DAB1: variants seen among roughly 807,000 people sequenced by gnomAD.
DAB1 encodes the protein disabled homolog 1.
DAB1 carries 15 observed loss-of-function variants against 64.6 expected under a neutral mutation model. The observed-to-expected ratio is 0.23, with a 90% CI of 0.16 to 0.36. The LOEUF (loss-of-function observed/expected upper bound fraction) is 0.36. DAB1 is among the 10% of genes least tolerant of loss of function. The pLI, the probability that DAB1 is intolerant of heterozygous loss-of-function variation, is 1.00. For synonymous variants in DAB1, 235 were observed against 251.9 expected, an observed-to-expected ratio of 0.93 and a Z score of 0.64; for missense variants, 596 against 706.7, an observed-to-expected ratio of 0.84 and a Z score of 1.78.
intron 3 of DAB1, among the ~76,000 whole-genome samples, chr1:58,366,375 T>C (rs1192619764): frequency 1.3e-5 from 2 of 152,186 alleles, no homozygotes; most frequent in South Asian, 2.1e-4. Context: ...CCACTAGTTA[T>C]ATCACATACG....
At chr1:58,038,099 AT>A (rs1647074984) in intron 5 of DAB1, among the ~76,000 whole-genome samples, 1 of 152,206 alleles carries the variant, frequency 6.6e-6, no homozygotes, top group Non-Finnish European at 1.5e-5. Flanking sequence ...TATCTTTTAT[AT>A]TTTAAAATGA....
chr1:57,741,896 G>C (rs1648012621), intron 6 of DAB1, among the ~76,000 whole-genome samples: 1 of 152,170 alleles, frequency 6.6e-6, no homozygotes, highest in South Asian at 2.1e-4. Flanking sequence ...GTAATAAGAT[G>C]AGGTAAAGGC....
rs537376520 is a variant in DAB1, at chr1:58,365,114, C to T, written n.258-21711G>A. ...TTAGGTTCAATTACTCCAATCAGTACATTAACCTCCTTCTCTTCTTGGTTC... is the reference window on the plus strand; with the variant it reads ...TTAGGTTCAATTACTCCAATCAGTATATTAACCTCCTTCTCTTCTTGGTTC... On this transcript the variant is annotated intron_variant and non_coding_transcript_variant, in intron 3 of 20. Transcript: ENST00000485760. 2.6e-5 allele frequency among the ~76,000 whole-genome samples: 4 copies of T among 152,318 alleles called. No individual in the cohort carries two copies. The East Asian group carries it at 7.7e-4, about 29-fold the overall frequency.
At chr1:57,394,130 A>G (rs1188550071) in intron 1 of DAB1, among the ~76,000 whole-genome samples, 2 of 152,218 alleles carry the variant, frequency 1.3e-5, no homozygotes, top group African/African-American at 4.8e-5. Context: ...AACAAAGTTG[A>G]GGCCATTCAC....
intron 9 of DAB1, among the ~76,000 whole-genome samples, chr1:57,031,721 C>G (rs551401162): frequency 4.9e-4 from 75 of 152,346 alleles, no homozygotes; most frequent in African/African-American, 1.8e-3. Context: ...CATTCTCTAA[C>G]CAGAAATCTG....
At chr1:57,342,077 GT>G (rs1484507376) in intron 1 of DAB1, among the ~76,000 whole-genome samples, 2 of 152,236 alleles carry the variant, frequency 1.3e-5, no homozygotes, top group Non-Finnish European at 2.9e-5. Flanking sequence ...ACAGGGTTAA[GT>G]TACTGACTTA....
intron 2 of DAB1, among the ~76,000 whole-genome samples, chr1:57,213,735 A>G (rs1293300631): frequency 6.6e-6 from 1 of 152,230 alleles, no homozygotes; most frequent in Non-Finnish European, 1.5e-5. Flanking sequence ...TTGCTTTACC[A>G]TAAAATGAAG....
intron 6 of DAB1, among the ~76,000 whole-genome samples, chr1:57,769,938 C>T (rs1256479788): frequency 6.6e-6 from 1 of 152,050 alleles, no homozygotes; most frequent in Non-Finnish European, 1.5e-5. Context: ...TTGTCTGTGC[C>T]CTGTCACTGT....
chr1:57,477,890 G>C (rs1295919132), intron 7 of DAB1, among the ~76,000 whole-genome samples: 1 of 152,092 alleles, frequency 6.6e-6, no homozygotes, highest in Admixed American at 6.6e-5. Flanking sequence ...GCCTTTCCCA[G>C]AATGTTAGAC....
intron 2 of DAB1, among the ~76,000 whole-genome samples, chr1:57,266,476 A>T (rs568537805): frequency 2.8e-4 from 43 of 152,224 alleles, no homozygotes; most frequent in African/African-American, 1.0e-3. Flanking sequence ...AACTTTTATG[A>T]TCTAGGCCCA....
chr1:57,644,810 CA>C (rs1420565166), intron 7 of DAB1, among the ~76,000 whole-genome samples: 1 of 152,002 alleles, frequency 6.6e-6, no homozygotes, highest in East Asian at 1.9e-4. Flanking sequence ...GCCCACTGGG[CA>C]AGCCATTAGG....
intron 6 of DAB1, among the ~76,000 whole-genome samples, chr1:57,745,600 T>C (rs796339034): frequency 4.6e-5 from 7 of 152,300 alleles, no homozygotes; most frequent in African/African-American, 1.7e-4. Context: ...TTAAAGGAGC[T>C]CTTTTTCTCT....
chr1:57,196,060 G>C (rs1241997232), intron 2 of DAB1, among the ~76,000 whole-genome samples: 1 of 152,124 alleles, frequency 6.6e-6, no homozygotes, highest in Non-Finnish European at 1.5e-5. Flanking sequence ...GAAGGGGTGG[G>C]AGAGTGGGAT....
At chr1:57,431,143 C>CACAAAAAAAAAAAA (rs749097562) in intron 7 of DAB1, among the ~76,000 whole-genome samples, 5 of 96,398 alleles carry the variant, frequency 5.2e-5, no homozygotes, top group African/African-American at 1.5e-4. Context: ...AGGCCAAAAA[C>CACAAAAAAAAAAAA]AAAAAAAAAA....
intron 1 of DAB1, among the ~76,000 whole-genome samples, chr1:58,543,562 T>A (rs1646654918): frequency 6.6e-6 from 1 of 152,134 alleles, no homozygotes; most frequent in Admixed American, 6.6e-5. Flanking sequence ...CACTACAGTT[T>A]GACCCCAAAC....
chr1:57,186,056 C>G (rs1219748618), intron 2 of DAB1, among the ~76,000 whole-genome samples: 2 of 152,102 alleles, frequency 1.3e-5, no homozygotes, highest in African/African-American at 2.4e-5. Context: ...TATATCAATA[C>G]CACCTGGGAC....
intron 7 of DAB1, among the ~76,000 whole-genome samples, chr1:57,616,396 G>A (rs1016186245): frequency 2.8e-5 from 4 of 143,424 alleles, no homozygotes; most frequent in African/African-American, 4.9e-5. Context: ...CCTGCATATT[G>A]AATCTTTTTT....
At chr1:57,547,636 T>C (rs1644870410) in intron 7 of DAB1, among the ~76,000 whole-genome samples, 1 of 152,196 alleles carries the variant, frequency 6.6e-6, no homozygotes. Flanking sequence ...GTATTTACTT[T>C]TTAACAAACA....
intron 5 of DAB1, among the ~76,000 whole-genome samples, chr1:58,085,160 G>C (rs1304677702): frequency 3.9e-5 from 6 of 152,242 alleles, no homozygotes; most frequent in Admixed American, 6.5e-5. Flanking sequence ...AGGAGTGGTG[G>C]GACCTAGTGC....
Sources: gnomAD v4.1 joint callset for allele counts (sites outside exome capture counted in the v4.1 genomes callset) on GRCh38, gnomAD v4.1.1 for gene constraint, MANE v1.5 for transcripts, NCBI Gene and HGNC (gene_info 2026-07-23, HGNC 2026-07-21) for gene names.